Variants in NRG3 observed in about 807,000 individuals in gnomAD.
The protein encoded by NRG3 is neuregulin 3, also known as pro-neuregulin-3, membrane-bound isoform.
In NRG3, 31 loss-of-function variants were observed where a neutral mutation model predicts 66.9. That is an observed-to-expected ratio of 0.46 (90% CI 0.35 to 0.63). NRG3 has a LOEUF of 0.63. Ranked by LOEUF, NRG3 falls within the 20% of genes least tolerant of loss-of-function variation. NRG3 has a pLI of 0.00. For synonymous variants in NRG3, 393 were observed against 359.4 expected (o/e 1.09, Z -1.06); for missense variants, 910 against 878.9 (o/e 1.04, Z -0.45).
chr10:82,349,796 G>A (rs2083302233), intron 1 of NRG3, among the ~76,000 whole-genome samples: 1 of 152,214 alleles, frequency 6.6e-6, no homozygotes, highest in East Asian at 1.9e-4. Context: ...AGTCGGAAAA[G>A]CGCAGTATTC....
intron 2 of NRG3, among the ~76,000 whole-genome samples, chr10:82,439,443 G>C (rs2136421361): frequency 6.6e-6 from 1 of 152,074 alleles, no homozygotes; most frequent in South Asian, 2.1e-4. Context: ...GGGGGACAAT[G>C]ATGATAAGCA....
At chr10:82,714,294 T>G (rs1343913563) in intron 2 of NRG3, among the ~76,000 whole-genome samples, 4 of 151,886 alleles carry the variant, frequency 2.6e-5, no homozygotes, top group African/African-American at 9.7e-5. Context: ...TTAACTATAC[T>G]CACCATGTTA....
chr10:81,935,482 G>A (rs1422541949), intron 1 of NRG3, among the ~76,000 whole-genome samples: 1 of 152,160 alleles, frequency 6.6e-6, no homozygotes, highest in African/African-American at 2.4e-5. Context: ...AAACTTTAGA[G>A]TCAGGTTATA....
intron 3 of NRG3, among the ~76,000 whole-genome samples, chr10:82,793,507 A>T (rs1483339875): frequency 6.6e-6 from 1 of 152,172 alleles, no homozygotes; most frequent in Non-Finnish European, 1.5e-5. Context: ...GTGTTCAGTG[A>T]CATCTCTCTA....
intron 3 of NRG3, among the ~76,000 whole-genome samples, chr10:82,850,337 C>G (rs1383114055): frequency 1.3e-5 from 2 of 152,144 alleles, no homozygotes; most frequent in African/African-American, 4.8e-5. Flanking sequence ...CTTTGATTGA[C>G]ATTTCTGGTC....
intron 1 of NRG3, among the ~76,000 whole-genome samples, chr10:82,212,450 A>G (rs557710041): frequency 3.9e-5 from 6 of 152,304 alleles, no homozygotes; most frequent in Middle Eastern, 6.8e-3. Context: ...GTGTTTTACA[A>G]TTTACAAAGT....
chr10:82,922,384 T>G (rs1846520200), intron 4 of NRG3, among the ~76,000 whole-genome samples: 1 of 152,200 alleles, frequency 6.6e-6, no homozygotes, highest in Admixed American at 6.5e-5. Context: ...ATATTTCAAT[T>G]CTTCCAACTT....
chr10:82,320,867 T>C (rs192635957), intron 1 of NRG3, among the ~76,000 whole-genome samples: 1 of 152,310 alleles, frequency 6.6e-6, no homozygotes. Context: ...ATATCTGCTA[T>C]ACTTTGCTCA....
In NRG3 at chr10:82,744,890, A is replaced by C. The variant is rs116707926; in HGVS notation, c.1027+6240A>C. ...ACATTGTGAGAGCTCAATAAATATT[A>C]TCTATTATCATCATTATTATTTTTG... On this transcript the variant is annotated intron_variant, in intron 3 of 8. Coordinates refer to ENST00000372141, the MANE Select transcript of NRG3 (RefSeq NM_001010848.4). 7.7e-3 allele frequency among the ~76,000 whole-genome samples: 1,171 copies of C among 152,250 alleles called. 10 individuals are homozygous for C. The highest frequency in any genetic ancestry group is 0.019 in the African/African-American group (786 of 41,554).
In NRG3 at chr10:82,692,910, C is replaced by T. The variant is rs74554347; in HGVS notation, c.954-45667C>T. Among the ~76,000 whole-genome samples the T allele has an allele frequency of 1.7e-3, 258 of 152,266 alleles. 2 individuals are homozygous for T. The highest frequency in any genetic ancestry group is 6.1e-3 in the African/African-American group (252 of 41,552). On this transcript the variant is annotated intron_variant, in intron 2 of 8. Transcript: ENST00000372141. ...CTGTGAGGCAGAGCTACTTCCTTCA[C>T]TGTAATATTCATGGCCCTGAATGCT...
At chr10:81,897,649 G>T (rs1251266450) in intron 1 of NRG3, among the ~76,000 whole-genome samples, 1 of 152,138 alleles carries the variant, frequency 6.6e-6, no homozygotes, top group Non-Finnish European at 1.5e-5. Flanking sequence ...TAAGCATCTG[G>T]CATTCTCCAT....
rs188773247 is a variant in NRG3 at position 82,024,056 on chromosome 10, A to G, written c.823+147893A>G. Among the ~76,000 whole-genome samples, 562 of 151,868 alleles carry G rather than the reference A, an allele frequency of 3.7e-3. 5 individuals carry two copies. Among genetic ancestry groups the G allele is most frequent in the African/African-American group, 0.013 (543 of 41,454 alleles). On this transcript the variant is annotated intron_variant, in intron 1 of 8. Coordinates refer to ENST00000372141, the MANE Select transcript of NRG3 (RefSeq NM_001010848.4). ...TATTATTGGCTTGTTGAGGTTTTCT[A>G]TTTCTTCATTGTTCAATCTTGGTAG...
intron 1 of NRG3, among the ~76,000 whole-genome samples, chr10:82,147,144 A>G (rs893320506): frequency 1.3e-5 from 2 of 152,186 alleles, no homozygotes; most frequent in Admixed American, 6.5e-5. Flanking sequence ...AGCAGATACC[A>G]AGAGTCACTT....
chr10:81,988,867 G>A (rs892734488), intron 1 of NRG3, among the ~76,000 whole-genome samples: 7 of 150,958 alleles, frequency 4.6e-5, no homozygotes, highest in African/African-American at 1.5e-4. Context: ...TTCCAAACCC[G>A]GATGTACTTT....
chr10:82,705,624 T>C (rs551340429), intron 2 of NRG3, among the ~76,000 whole-genome samples: 1 of 152,206 alleles, frequency 6.6e-6, no homozygotes, highest in Non-Finnish European at 1.5e-5. Flanking sequence ...TCAATGACCC[T>C]GAGGAGGGCT....
chr10:82,006,673 T>C (rs10786811), intron 1 of NRG3, among the ~76,000 whole-genome samples: 79,927 of 151,874 alleles, frequency 0.53, 21,332 homozygotes, highest in South Asian at 0.65. Flanking sequence ...AGCCGGTTAT[T>C]TCTGCACCAT....
At chr10:82,923,311 A>C (rs2132084142) in intron 4 of NRG3, among the ~76,000 whole-genome samples, 1 of 152,140 alleles carries the variant, frequency 6.6e-6, no homozygotes, top group South Asian at 2.1e-4. Context: ...TTCATCCTCC[A>C]CCTAATCTCT....
intron 2 of NRG3, among the ~76,000 whole-genome samples, chr10:82,640,071 T>C (rs2050462318): frequency 6.6e-6 from 1 of 152,134 alleles, no homozygotes; most frequent in Non-Finnish European, 1.5e-5. Flanking sequence ...GGCCTCCAGT[T>C]CCATCCGTGT....
chr10:82,218,766 C>T (rs984643023), intron 1 of NRG3, among the ~76,000 whole-genome samples: 1 of 152,066 alleles, frequency 6.6e-6, no homozygotes, highest in African/African-American at 2.4e-5. Context: ...ATGATCTTGT[C>T]TATTTGTTGC....
Sources: allele counts gnomAD v4.1 joint callset (sites outside exome capture counted in the v4.1 genomes callset), GRCh38; gene constraint gnomAD v4.1.1; transcripts MANE v1.5; gene names NCBI Gene and HGNC (gene_info 2026-07-23, HGNC 2026-07-21).